Variants in PIK3R4 observed in about 807,000 individuals in gnomAD.
PIK3R4 encodes the protein phosphoinositide-3-kinase regulatory subunit 4.
Under a neutral mutation model 136.5 loss-of-function variants are expected in PIK3R4, and 46 were observed. The ratio of observed to expected loss-of-function variants is 0.34; its 90% CI spans 0.27 to 0.43. The LOEUF (loss-of-function observed/expected upper bound fraction) is 0.43, where lower values mean the gene tolerates loss of function less well. Among genes scored for constraint, PIK3R4 ranks in the 20% least tolerant of loss-of-function variants. The probability of loss-of-function intolerance (pLI) is 1.00; values close to 1 mark genes in which losing one functional copy is unlikely to be tolerated. For missense variants in PIK3R4, 1,331 were observed against 1,649.5 expected (o/e 0.81, Z 3.35); for synonymous variants, 557 against 566.7 (o/e 0.98, Z 0.24).
chr3:130,742,795 A>G (rs2066831495), intron 2 of PIK3R4, among the ~76,000 whole-genome samples: 1 of 152,212 alleles, frequency 6.6e-6, no homozygotes, highest in African/African-American at 2.4e-5. Flanking sequence ...CAAAAATGGC[A>G]CCGATGCCAG....
At chr3:130,690,715 C>T in intron 13 of PIK3R4, 61 bp from the exon 14 acceptor site, 3 of 1,044,384 alleles carry the variant, frequency 2.9e-6, no homozygotes, top group Non-Finnish European at 4.2e-6. Flanking sequence ...GTTAAATATC[C>T]ACATGGCCAT....
chr3:130,697,201 C>G (rs1301420491), intron 13 of PIK3R4, among the ~76,000 whole-genome samples: 1 of 151,192 alleles, frequency 6.6e-6, no homozygotes, highest in Non-Finnish European at 1.5e-5. Flanking sequence ...TCCCGAGTAG[C>G]TGGGACTACA....
At chr3:130,682,878 G>A (rs1269112915) in intron 16 of PIK3R4, among the ~76,000 whole-genome samples, 1 of 152,120 alleles carries the variant, frequency 6.6e-6, no homozygotes, top group Non-Finnish European at 1.5e-5. Flanking sequence ...AAGTCTTTTG[G>A]ACCAAGAAGC....
rs549909195 is a variant in PIK3R4, at chr3:130,680,522, G to A, written c.3906+91C>T. 5.1e-4 allele frequency: 309 copies of A among 600,410 alleles called. 2 individuals carry two copies. Among genetic ancestry groups the A allele is most frequent in the South Asian group, 4.9e-3 (184 of 37,500 alleles). The allele number at this position is 600,410 out of a possible 1,614,324, so 37.2% of individuals were successfully genotyped here. A position where few individuals can be genotyped will look rare whatever the true frequency, so the allele number is the denominator to read the frequency against. On this transcript the variant is annotated intron_variant, in intron 19 of 19. Transcript: ENST00000356763. ...ATTTCCTAAATTCAAAGTACTCCTCGCTTGGTCAAGCCATTTATTTTAATC... is the reference window on the plus strand; with the variant it reads ...ATTTCCTAAATTCAAAGTACTCCTCACTTGGTCAAGCCATTTATTTTAATC...
At chr3:130,714,202 T>C (rs1229599624) in intron 9 of PIK3R4, among the ~76,000 whole-genome samples, 1 of 152,190 alleles carries the variant, frequency 6.6e-6, no homozygotes, top group Non-Finnish European at 1.5e-5. Flanking sequence ...AAGCCAAGGT[T>C]AAAAGAAAAC....
intron 13 of PIK3R4, among the ~76,000 whole-genome samples, chr3:130,694,763 G>C (rs1179286516): frequency 6.6e-6 from 1 of 151,978 alleles, no homozygotes; most frequent in Non-Finnish European, 1.5e-5. Context: ...CAATTTGTAT[G>C]CCTTCAATTT....
intron 10 of PIK3R4, 89 bp downstream of exon 10, chr3:130,708,202 C>CT (rs2107609037): frequency 9.6e-7 from 1 of 1,036,292 alleles, no homozygotes; most frequent in South Asian, 1.6e-5. Context: ...TGAAATGGGG[C>CT]TTTTTATTTT....
Position 130,743,255 on chromosome 3 carries a change from T to TA in PIK3R4, c.733+1230dup, listed in dbSNP as rs200120779. ...GTAAAATAGTCTCTACCAAAAATGT[T>TA]AAAAAAAAAAAAAGTCAACTGGGTG... is the stretch of plus-strand genomic sequence containing the variant. On this transcript the variant is annotated intron_variant, in intron 2 of 19. Coordinates refer to ENST00000356763, the MANE Select transcript of PIK3R4 (RefSeq NM_014602.3). Among the ~76,000 whole-genome samples the TA allele has an allele frequency of 9.2e-3, 1,296 of 140,970 alleles. 10 individuals carry two copies. Among genetic ancestry groups the TA allele is most frequent in the Middle Eastern group, 0.021 (6 of 280 alleles). The allele number at this position is 140,970 out of a possible 152,430, so 92.5% of individuals were successfully genotyped here.
chr3:130,733,522 C>A, intron 4 of PIK3R4, 26 bp downstream of exon 4: 2 of 1,453,978 alleles, frequency 1.4e-6, no homozygotes, highest in Non-Finnish European at 9.6e-7. Context: ...ATCTAAGTGG[C>A]TAATATTTGG....
At chr3:130,713,504 A>G (rs997196019) in intron 9 of PIK3R4, among the ~76,000 whole-genome samples, 2 of 152,124 alleles carry the variant, frequency 1.3e-5, no homozygotes, top group African/African-American at 4.8e-5. Context: ...GAACCGTAGG[A>G]AGCAGGAAGT....
At chr3:130,732,209 C>A (rs771256802) in intron 4 of PIK3R4, among the ~76,000 whole-genome samples, 1 of 152,308 alleles carries the variant, frequency 6.6e-6, no homozygotes, top group South Asian at 2.1e-4. Context: ...TAACATCTAA[C>A]GCTCAAGGTT....
At chr3:130,728,036 ATATTT>A (rs2066742957) in intron 6 of PIK3R4, among the ~76,000 whole-genome samples, 4 of 152,170 alleles carry the variant, frequency 2.6e-5, no homozygotes, top group Admixed American at 2.0e-4. Context: ...AACCATGATT[ATATTT>A]TAACTTATTT....
chr3:130,738,487 AACACACAC>A (rs1346826718), intron 2 of PIK3R4, among the ~76,000 whole-genome samples: 1 of 152,088 alleles, frequency 6.6e-6, no homozygotes, highest in Non-Finnish European at 1.5e-5. Context: ...AGCAGAGTAC[AACACACAC>A]ACACTACATA....
intron 2 of PIK3R4, among the ~76,000 whole-genome samples, chr3:130,741,218 T>C (rs938649149): frequency 6.6e-6 from 1 of 152,146 alleles, no homozygotes; most frequent in African/African-American, 2.4e-5. Context: ...CTTAATCCAA[T>C]ATGACTGGCG....
At chr3:130,730,878 T>TG (rs2066757015) in intron 4 of PIK3R4, among the ~76,000 whole-genome samples, 1 of 152,218 alleles carries the variant, frequency 6.6e-6, no homozygotes, top group Non-Finnish European at 1.5e-5. Context: ...TGCCACTTAC[T>TG]AACTTGACCA....
intron 19 of PIK3R4, 89 bp from the exon 20 acceptor site, chr3:130,679,574 G>A (rs2066442322): frequency 1.2e-6 from 1 of 860,516 alleles, no homozygotes; most frequent in African/African-American, 1.7e-5. Context: ...CTGAGATACT[G>A]TTGTTGTATT....
At position 130,698,861 on chromosome 3, in the gene PIK3R4, A is replaced by C. The variant is rs187464107; in HGVS notation, c.3098+4862T>G. Among the ~76,000 whole-genome samples the C allele has an allele frequency of 5.0e-4, 76 of 152,308 alleles. 1 individual carries two copies. Among genetic ancestry groups the C allele is most frequent in the Middle Eastern group, 6.8e-3 (2 of 294 alleles). On this transcript the variant is annotated intron_variant, in intron 13 of 19. Coordinates refer to ENST00000356763, the MANE Select transcript of PIK3R4 (RefSeq NM_014602.3). ...TCTGTATTCCTTGTCATATGTGGCCACTGAAGTCTCTGTTCAGTTAGGTAA... is the reference window on the plus strand; with the variant it reads ...TCTGTATTCCTTGTCATATGTGGCCCCTGAAGTCTCTGTTCAGTTAGGTAA...
At chr3:130,710,773 T>C (rs2066628824) in intron 9 of PIK3R4, among the ~76,000 whole-genome samples, 1 of 151,952 alleles carries the variant, frequency 6.6e-6, no homozygotes, top group African/African-American at 2.4e-5. Flanking sequence ...AACAAAATAA[T>C]GTTTTAATAT....
At position 130,708,419 on chromosome 3, in the gene PIK3R4, G is replaced by A; in HGVS notation, c.2405C>T (p.Ala802Val). ...AAGATGGCTCTGGTCCACTATATTG[G>A]CCTTTGCTTTATTAGATTTCATCAT... is the stretch of plus-strand genomic sequence containing the variant. The part of the protein sequence containing the change: ...DFMMKSNKAK[A>V]NIVDQSHLHD... Residue 802 changes from alanine (A) to valine (V), a missense_variant, in exon 10 of 20, where the codon GCC becomes GTC. Physicochemically the swap from Ala to Val is moderately conservative, Grantham distance 64. Around this residue, in one of 2 missense-constraint regions of PIK3R4, gnomAD observed 1,180 missense variants for 1,407.0 expected, o/e 0.84. Transcript: ENST00000356763. The A allele has an allele frequency of 6.2e-7, 1 of 1,613,580 alleles. No individual in the cohort carries two copies. Among genetic ancestry groups the A allele is most frequent in the Non-Finnish European group, 8.5e-7 (1 of 1,179,670 alleles).
Sources: allele counts gnomAD v4.1 joint callset (sites outside exome capture counted in the v4.1 genomes callset), GRCh38; gene constraint gnomAD v4.1.1; regional missense constraint gnomAD v4.1.1; transcripts MANE v1.5; gene names NCBI Gene and HGNC (gene_info 2026-07-23, HGNC 2026-07-21).